Variants in NLRP14 observed in about 807,000 individuals in gnomAD.
NLRP14 encodes the protein NLR family pyrin domain containing 14.
NLRP14 carries 105 observed loss-of-function variants against 94.7 expected under a neutral mutation model. The observed-to-expected ratio is 1.11, with a 90% CI of 0.95 to 1.30. NLRP14 has a LOEUF of 1.30. Ranked by LOEUF, NLRP14 falls within the 50% of genes most tolerant of loss-of-function variation. The probability of loss-of-function intolerance (pLI) is 0.00; values close to 1 mark genes in which losing one functional copy is unlikely to be tolerated. For synonymous variants in NLRP14, 508 were observed against 459.9 expected, an observed-to-expected ratio of 1.10 and a Z score of -1.34; for missense variants, 1,362 against 1,254.1, an observed-to-expected ratio of 1.09 and a Z score of -1.30.
At chr11:7,072,612 G>T (rs1328218995), downstream of NLRP14, among the ~76,000 whole-genome samples, 8 of 152,090 alleles carry the variant, frequency 5.3e-5, no homozygotes, top group African/African-American at 1.9e-4. Context: ...GCAGTGGCCT[G>T]TCACCACTTG....
At chr11:7,023,985 C>T (rs1236157307) in intron 1 of NLRP14, among the ~76,000 whole-genome samples, 1 of 152,082 alleles carries the variant, frequency 6.6e-6, no homozygotes, top group East Asian at 1.9e-4. Flanking sequence ...GATTACATTT[C>T]AACAGGAGAT....
chr11:7,047,336 A>T (rs1258968399), intron 5 of NLRP14, among the ~76,000 whole-genome samples: 3 of 150,690 alleles, frequency 2.0e-5, no homozygotes, highest in Non-Finnish European at 3.0e-5. Context: ...TTTTCCTGAG[A>T]CAGGGTCTTA....
At chr11:7,042,225 T>G (rs1202895904) in intron 3 of NLRP14, among the ~76,000 whole-genome samples, 163 bp from the exon 4 acceptor site, 2 of 152,162 alleles carry the variant, frequency 1.3e-5, no homozygotes, top group Non-Finnish European at 2.9e-5. Flanking sequence ...AGGAATATTT[T>G]TATTTATATT....
At chr11:7,042,118 A>T (rs2119612667) in intron 3 of NLRP14, among the ~76,000 whole-genome samples, 1 of 152,120 alleles carries the variant, frequency 6.6e-6, no homozygotes, top group Non-Finnish European at 1.5e-5. Flanking sequence ...AAATATTTCT[A>T]AAGTGAATCC....
Position 7,071,419 on chromosome 11 carries a change from C to T in NLRP14, c.*111C>T, listed in dbSNP as rs1320783099. The T allele has an allele frequency of 1.2e-6, 1 of 831,080 alleles. No homozygotes were observed. Among genetic ancestry groups the T allele is most frequent in the African/African-American group, 1.7e-5 (1 of 58,556 alleles). The allele number at this position is 831,080 out of a possible 1,614,324, so 51.5% of individuals were successfully genotyped here. On this transcript the variant is annotated 3_prime_UTR_variant, in exon 12 of 12. Transcript: ENST00000299481. Reference sequence around the variant, plus strand: ...AGATACTCTATGCCCAGAGATAGTGCACTTGGCAGCTGTCAGATACCATTC... The same window carrying T: ...AGATACTCTATGCCCAGAGATAGTGTACTTGGCAGCTGTCAGATACCATTC...
chr11:7,033,150 G>A (rs1350165227), intron 1 of NLRP14, among the ~76,000 whole-genome samples: 2 of 152,138 alleles, frequency 1.3e-5, no homozygotes, highest in Non-Finnish European at 2.9e-5. Flanking sequence ...GTATTGATTG[G>A]TTCTACTATA....
At position 7,043,576 on chromosome 11, in the gene NLRP14, G is replaced by T; in HGVS notation, c.1550G>T (p.Ser517Ile). 8 of 1,614,160 alleles carry T rather than the reference G, an allele frequency of 5.0e-6. No homozygotes were observed. Among genetic ancestry groups the T allele is most frequent in the Non-Finnish European group, 6.8e-6 (8 of 1,180,008 alleles). ...GAAGATTTGAAGTCATTACTTCAAA[G>T]CACAAGTTATAAAGACCCCCATTTG... ...PFEDLKSLLQSTSYKDPHLTQ... is the reference protein window; with the variant it reads ...PFEDLKSLLQITSYKDPHLTQ... Residue 517 changes from serine (S) to isoleucine (I), a missense_variant, in exon 4 of 12, where the codon AGC becomes ATC. Coordinates refer to ENST00000299481, the MANE Select transcript of NLRP14 (RefSeq NM_176822.4).
rs1852353241 is a variant in NLRP14 at position 7,046,576 on chromosome 11, C to T, written c.1959-92C>T. On this transcript the variant is annotated intron_variant, in intron 4 of 11. Coordinates refer to ENST00000299481, the MANE Select transcript of NLRP14 (RefSeq NM_176822.4). Reference sequence around the variant, plus strand: ...TGGATGCTCTTGCCTTTCCAAAGTACACTTACTTTTACTCCAATACTATCC... The same window carrying T: ...TGGATGCTCTTGCCTTTCCAAAGTATACTTACTTTTACTCCAATACTATCC... The T allele has an allele frequency of 1.5e-5, 19 of 1,235,406 alleles. No homozygotes were observed. The South Asian group carries it at 2.2e-4, about 14-fold the overall frequency. 76.5% of individuals were successfully genotyped at this position (1,235,406 alleles called of 1,614,324 possible). A position where few individuals can be genotyped will look rare whatever the true frequency, so the allele number is the denominator to read the frequency against.
chr11:7,024,081 G>C (rs184697534), intron 1 of NLRP14, among the ~76,000 whole-genome samples: 136 of 152,200 alleles, frequency 8.9e-4, no homozygotes, highest in Non-Finnish European at 7.6e-4. Flanking sequence ...TAGAGTCTCA[G>C]AAAAGATAAA....
chr11:7,039,799 C>T lies in NLRP14; in HGVS notation c.361+14C>T, dbSNP rs772610107. ...AGGCAGTGCTGGGTGAGTAGTTAGG[C>T]CTTTCATCAGATTTGGGAGGCATTC... On this transcript the variant is annotated intron_variant, in intron 3 of 11. Coordinates refer to ENST00000299481, the MANE Select transcript of NLRP14 (RefSeq NM_176822.4). 9 of 1,601,230 alleles carry T rather than the reference C, an allele frequency of 5.6e-6. No individual in the cohort carries two copies. The highest frequency in any genetic ancestry group is 4.0e-5 in the African/African-American group (3 of 74,646).
intron 1 of NLRP14, among the ~76,000 whole-genome samples, chr11:7,034,577 C>G (rs1852137027): frequency 6.6e-6 from 1 of 152,212 alleles, no homozygotes; most frequent in Non-Finnish European, 1.5e-5. Context: ...GCCATATTCC[C>G]TGTAAACATT....
chr11:7,031,244 C>T (rs1037836008), intron 1 of NLRP14, among the ~76,000 whole-genome samples: 1 of 152,214 alleles, frequency 6.6e-6, no homozygotes, highest in Non-Finnish European at 1.5e-5. Flanking sequence ...TGACTCTCCT[C>T]TTCTCTGGAT....
rs1852357046 is a variant in NLRP14, at chr11:7,046,731, C to T, written c.2022C>T (p.His674=). ...DLCSVLHTNE[H]LRELDLYHSN... ...GTTCTGTGCTTCATACAAATGAACA[C>T]TTGAGAGAATTGGACCTGTACCATA... Residue 674 remains histidine (H), a synonymous_variant, in exon 5 of 12, where the codon CAC becomes CAT. Transcript: ENST00000299481. 1 of 1,613,086 alleles carries T rather than the reference C, an allele frequency of 6.2e-7. No homozygotes were observed. The highest frequency in any genetic ancestry group is 8.5e-7 in the Non-Finnish European group (1 of 1,179,070).
At chr11:7,090,718 G>A in the NLRP14 span, 1 of 285,538 alleles carries the variant, frequency 3.5e-6, no homozygotes, top group Non-Finnish European at 7.1e-6. Flanking sequence ...GTGGAGAGTG[G>A]GAGGGATTGG....
Position 7,070,397 on chromosome 11 carries a change from A to G in NLRP14, c.3087A>G (p.Glu1029=). 1 of 1,610,466 alleles carries G rather than the reference A, an allele frequency of 6.2e-7. No individual in the cohort carries two copies. The highest frequency in any genetic ancestry group is 1.1e-5 in the South Asian group (1 of 91,020). Residue 1029 remains glutamate (E), a synonymous_variant, in exon 11 of 12, where the codon GAA becomes GAG. Coordinates refer to ENST00000299481, the MANE Select transcript of NLRP14 (RefSeq NM_176822.4). ...MNLTQNTLGY[E]GIVKLYKVLK... The stretch of plus-strand genomic sequence containing the variant: ...TGACACAGAATACCTTAGGATATGA[A>G]GGAATTGTGAAGTTATATAAAGTCT...
intron 1 of NLRP14, among the ~76,000 whole-genome samples, chr11:7,024,799 T>C (rs1274469657): frequency 1.3e-5 from 2 of 152,010 alleles, no homozygotes; most frequent in Non-Finnish European, 2.9e-5. Flanking sequence ...TTAAGCATGT[T>C]AGCAATTGAA....
intron 1 of NLRP14, among the ~76,000 whole-genome samples, chr11:7,024,900 GAT>G (rs1239524699): frequency 1.3e-5 from 2 of 151,964 alleles, no homozygotes; most frequent in Non-Finnish European, 2.9e-5. Context: ...AGAGGAAAAA[GAT>G]AGAGATGGAA....
rs1852276049 is a variant in NLRP14, at chr11:7,042,642, T to C, written c.616T>C (p.Tyr206His). 6.2e-7 allele frequency: 1 copy of C among 1,614,034 alleles called. No individual in the cohort carries two copies. The highest frequency in any genetic ancestry group is 8.5e-7 in the Non-Finnish European group (1 of 1,179,970). Residue 206 changes from tyrosine to histidine, a missense_variant, in exon 4 of 12, where the codon TAC becomes CAC. Tyr to His is a moderately conservative substitution (Grantham distance 83). Transcript: ENST00000299481. The part of the protein sequence containing the change: ...AMLDWAEGSL[Y>H]QQRFKYVFYL... ...GTTAGATTGGGCAGAGGGCAGTCTC[T>C]ACCAGCAGAGGTTTAAGTATGTTTT...
In NLRP14 at chr11:7,063,344, C is replaced by T. The variant is rs1034432503; in HGVS notation, c.2975+841C>T. Among the ~76,000 whole-genome samples, 18 of 152,000 alleles carry T rather than the reference C, an allele frequency of 1.2e-4. 1 individual carries two copies. Among genetic ancestry groups the T allele is most frequent in the South Asian group, 4.2e-4 (2 of 4,818 alleles). On this transcript the variant is annotated intron_variant, in intron 10 of 11. Coordinates refer to ENST00000299481, the MANE Select transcript of NLRP14 (RefSeq NM_176822.4). ...AAGAGCATGAGTATTAGCATGTTTG[C>T]GTCAGTTCCTTTTGTCCCCCGAGTC...
Sources: gnomAD v4.1 joint callset for allele counts (sites outside exome capture counted in the v4.1 genomes callset) on GRCh38, gnomAD v4.1.1 for gene constraint, MANE v1.5 for transcripts, NCBI Gene and HGNC (gene_info 2026-07-23, HGNC 2026-07-21) for gene names.